KCNK13: variants seen among roughly 807,000 people sequenced by gnomAD.
KCNK13 encodes the protein potassium channel subfamily K member 13.
Under a neutral mutation model 23.4 loss-of-function variants are expected in KCNK13, and 12 were observed. That is an observed-to-expected ratio of 0.51 (90% CI 0.33 to 0.83). The LOEUF (loss-of-function observed/expected upper bound fraction) is 0.83, where lower values mean the gene tolerates loss of function less well. Among genes scored for constraint, KCNK13 ranks in the 40% least tolerant of loss-of-function variants. The pLI is 0.02. For missense variants in KCNK13, 463 were observed against 556.3 expected (o/e 0.83, Z 1.69); for synonymous variants, 231 against 229.5 (o/e 1.01, Z -0.06).
intron 1 of KCNK13, among the ~76,000 whole-genome samples, chr14:90,108,365 C>A (rs1439940124): frequency 6.6e-6 from 1 of 152,206 alleles, no homozygotes; most frequent in East Asian, 1.9e-4. Context: ...TCCTTCTCCA[C>A]AATGATGAAT....
At chr14:90,159,125 G>A (rs1378447541) in intron 1 of KCNK13, among the ~76,000 whole-genome samples, 1 of 152,206 alleles carries the variant, frequency 6.6e-6, no homozygotes, top group Non-Finnish European at 1.5e-5. Flanking sequence ...TGGTGGAAGA[G>A]CAAAGAGAGG....
chr14:90,075,229 A>T (rs1165119641), intron 1 of KCNK13, among the ~76,000 whole-genome samples: 1 of 152,188 alleles, frequency 6.6e-6, no homozygotes, highest in Admixed American at 6.5e-5. Context: ...CTATCTGAGG[A>T]TAAAAACCAT....
intron 1 of KCNK13, among the ~76,000 whole-genome samples, chr14:90,183,272 G>A (rs1005458910): frequency 2.6e-5 from 4 of 152,186 alleles, no homozygotes; most frequent in Non-Finnish European, 5.9e-5. Flanking sequence ...AGCATGAAGT[G>A]TGTGTTTGAA....
intron 1 of KCNK13, among the ~76,000 whole-genome samples, chr14:90,139,685 G>A (rs997160663): frequency 5.9e-5 from 9 of 152,196 alleles, no homozygotes; most frequent in African/African-American, 2.2e-4. Context: ...ATAGGGGCTG[G>A]GTGCGGTGTC....
At chr14:90,150,649 C>T (rs939070210) in intron 1 of KCNK13, among the ~76,000 whole-genome samples, 8 of 152,148 alleles carry the variant, frequency 5.3e-5, no homozygotes, top group Non-Finnish European at 1.0e-4. Context: ...GGAACTTCTT[C>T]AAGGAAGCCC....
chr14:90,157,523 G>A (rs762179620), intron 1 of KCNK13, among the ~76,000 whole-genome samples: 2 of 151,792 alleles, frequency 1.3e-5, no homozygotes, highest in African/African-American at 2.4e-5. Context: ...GGCCTCCCGA[G>A]TAGCTGAGAC....
chr14:90,177,722 G>C (rs1890438916), intron 1 of KCNK13, among the ~76,000 whole-genome samples: 2 of 152,058 alleles, frequency 1.3e-5, no homozygotes, highest in Non-Finnish European at 2.9e-5. Flanking sequence ...ATGGTGATGG[G>C]GCCAGAGCTG....
At chr14:90,115,167 G>C (rs1889661291) in intron 1 of KCNK13, among the ~76,000 whole-genome samples, 1 of 150,504 alleles carries the variant, frequency 6.6e-6, no homozygotes, top group African/African-American at 2.4e-5. Context: ...AGGACTTTTG[G>C]GGTTTCGTTG....
At position 90,117,962 on chromosome 14, in the gene KCNK13, C is replaced by G. The variant is rs143583026; in HGVS notation, c.334+55423C>G. Among the ~76,000 whole-genome samples the G allele has an allele frequency of 2.4e-3, 372 of 152,228 alleles. 1 individual carries two copies. In the Middle Eastern group the frequency reaches 0.027, roughly 11 times the overall value. On this transcript the variant is annotated intron_variant, in intron 1 of 1. Coordinates refer to ENST00000282146, the MANE Select transcript of KCNK13 (RefSeq NM_022054.4). ...TTTTGTGTCTGGCTCTGTTTCTTAC[C>G]CACACAACAGGTGAGTTCGATTGCT...
intron 1 of KCNK13, among the ~76,000 whole-genome samples, chr14:90,063,991 A>G (rs1158862436): frequency 1.3e-5 from 2 of 152,154 alleles, no homozygotes; most frequent in African/African-American, 4.8e-5. Context: ...CAGGCAGGAA[A>G]CCTTGCAGCA....
intron 1 of KCNK13, among the ~76,000 whole-genome samples, chr14:90,086,640 G>GT (rs1304423900): frequency 6.6e-6 from 1 of 152,170 alleles, no homozygotes; most frequent in Non-Finnish European, 1.5e-5. Context: ...TAAGGAAGAC[G>GT]TCTGGGGGTC....
At chr14:90,166,705 CA>C (rs11406494) in intron 1 of KCNK13, among the ~76,000 whole-genome samples, 2,428 of 110,712 alleles carry the variant, frequency 0.022, 65 homozygotes, top group East Asian at 0.19. Context: ...GACTCTGTCT[CA>C]AAAAAAAAAA....
chr14:90,142,828 G>T (rs1188066942), intron 1 of KCNK13, among the ~76,000 whole-genome samples: 1 of 152,192 alleles, frequency 6.6e-6, no homozygotes, highest in Non-Finnish European at 1.5e-5. Flanking sequence ...TGGTAACAAG[G>T]TTGGTTAGGA....
intron 1 of KCNK13, among the ~76,000 whole-genome samples, chr14:90,137,551 C>CT (rs1889953303): frequency 6.6e-6 from 1 of 152,122 alleles, no homozygotes; most frequent in African/African-American, 2.4e-5. Context: ...AAACTCCTGA[C>CT]TTCAGGTGAT....
intron 1 of KCNK13, among the ~76,000 whole-genome samples, chr14:90,122,448 G>GCCTCA (rs1889750408): frequency 2.6e-5 from 4 of 151,944 alleles, no homozygotes; most frequent in African/African-American, 7.3e-5. Flanking sequence ...CTCAGCCTCA[G>GCCTCA]GCTGAGAATT....
chr14:90,090,502 C>T (rs1889332324), intron 1 of KCNK13, among the ~76,000 whole-genome samples: 1 of 152,128 alleles, frequency 6.6e-6, no homozygotes, highest in Admixed American at 6.5e-5. Flanking sequence ...GCCTTGTCTC[C>T]AATGAGATGT....
intron 1 of KCNK13, among the ~76,000 whole-genome samples, chr14:90,118,716 G>A (rs1165549191): frequency 6.6e-6 from 1 of 152,124 alleles, no homozygotes; most frequent in East Asian, 1.9e-4. Flanking sequence ...ATCCCCACGG[G>A]AATGCACAAG....
At chr14:90,158,092 A>T (rs184444390) in intron 1 of KCNK13, among the ~76,000 whole-genome samples, 2 of 152,266 alleles carry the variant, frequency 1.3e-5, no homozygotes, top group African/African-American at 4.8e-5. Flanking sequence ...CATGCCCTGG[A>T]CTGAGCTGAA....
chr14:90,151,815 G>C (rs1198017408), intron 1 of KCNK13, among the ~76,000 whole-genome samples: 1 of 152,004 alleles, frequency 6.6e-6, no homozygotes, highest in Admixed American at 6.6e-5. Flanking sequence ...ATGGTATAAG[G>C]GTCCAGTTTC....
Sources: allele counts gnomAD v4.1 joint callset (sites outside exome capture counted in the v4.1 genomes callset), GRCh38; gene constraint gnomAD v4.1.1; transcripts MANE v1.5; gene names NCBI Gene and HGNC (gene_info 2026-07-23, HGNC 2026-07-21).